CNTNAP5: variants seen among roughly 807,000 people sequenced by gnomAD.
The protein encoded by CNTNAP5 is contactin associated protein family member 5, also known as contactin-associated protein-like 5.
In CNTNAP5, 72 loss-of-function variants were observed where a neutral mutation model predicts 150.2. The observed-to-expected ratio is 0.48, with a 90% CI of 0.40 to 0.58. CNTNAP5 has a LOEUF of 0.58. Ranked by LOEUF, CNTNAP5 falls within the 20% of genes least tolerant of loss-of-function variation. CNTNAP5 has a pLI of 0.00. For missense variants in CNTNAP5, 1,636 were observed against 1,626.2 expected, an observed-to-expected ratio of 1.01 and a Z score of -0.10; for synonymous variants, 672 against 619.8, an observed-to-expected ratio of 1.08 and a Z score of -1.25.
intron 12 of CNTNAP5, among the ~76,000 whole-genome samples, chr2:124,637,280 T>C (rs1677991041): frequency 6.6e-6 from 1 of 152,154 alleles, no homozygotes; most frequent in South Asian, 2.1e-4. Flanking sequence ...TTGCTTTTGT[T>C]GTTGTTGTTG....
intron 6 of CNTNAP5, among the ~76,000 whole-genome samples, chr2:124,467,736 C>T (rs1268912219): frequency 6.6e-6 from 1 of 152,062 alleles, no homozygotes; most frequent in African/African-American, 2.4e-5. Context: ...ACTTCCAATT[C>T]TCAACTACGT....
intron 21 of CNTNAP5, among the ~76,000 whole-genome samples, chr2:124,902,069 A>G (rs1678424712): frequency 6.6e-6 from 1 of 152,174 alleles, no homozygotes; most frequent in Non-Finnish European, 1.5e-5. Flanking sequence ...TTAGGAAAAA[A>G]GATGGCTCAT....
chr2:124,851,516 C>T (rs999021245), intron 19 of CNTNAP5, among the ~76,000 whole-genome samples: 10 of 152,210 alleles, frequency 6.6e-5, no homozygotes, highest in African/African-American at 7.2e-5. Context: ...GGAAAGAATA[C>T]GTTGGCATCA....
At chr2:124,226,130 A>G (rs1686451467) in intron 2 of CNTNAP5, among the ~76,000 whole-genome samples, 1 of 152,044 alleles carries the variant, frequency 6.6e-6, no homozygotes, top group Admixed American at 6.6e-5. Context: ...GATATATACA[A>G]AGTAGTTGTA....
At chr2:124,490,942 A>G (rs1694009889) in intron 7 of CNTNAP5, among the ~76,000 whole-genome samples, 1 of 152,126 alleles carries the variant, frequency 6.6e-6, no homozygotes, top group African/African-American at 2.4e-5. Context: ...TCTATTAGAC[A>G]GCATTGACCT....
At chr2:124,789,850 G>C in intron 17 of CNTNAP5, 52 bp from the exon 18 acceptor site, 3 of 1,566,294 alleles carry the variant, frequency 1.9e-6, no homozygotes, top group South Asian at 2.3e-5. Context: ...AAACCTAAAT[G>C]TATTGAGCCC....
intron 13 of CNTNAP5, among the ~76,000 whole-genome samples, chr2:124,710,608 T>C (rs1019783851): frequency 6.6e-6 from 1 of 152,268 alleles, no homozygotes; most frequent in South Asian, 2.1e-4. Flanking sequence ...GCTGAAGATA[T>C]GGCAATTTGC....
chr2:124,434,605 C>A lies in CNTNAP5; in HGVS notation c.651C>A (p.Val217=). The A allele has an allele frequency of 6.2e-7, 1 of 1,613,920 alleles. No homozygotes were observed. The part of the protein sequence containing the change: ...LKFKSMQGDG[V]LFHGEGQRGD... ...TCAAGAGCATGCAAGGAGATGGGGTCCTGTTCCATGGAGAAGGTCAGCGTG... is the reference window on the plus strand; with the variant it reads ...TCAAGAGCATGCAAGGAGATGGGGTACTGTTCCATGGAGAAGGTCAGCGTG... The change falls in exon 5 of 24, where the codon GTC becomes GTA. Residue 217 remains valine, a synonymous_variant. Coordinates refer to ENST00000682447, the MANE Select transcript of CNTNAP5 (RefSeq NM_001367498.1).
intron 3 of CNTNAP5, among the ~76,000 whole-genome samples, chr2:124,248,081 G>T (rs1265526450): frequency 6.6e-6 from 1 of 152,186 alleles, no homozygotes; most frequent in South Asian, 2.1e-4. Flanking sequence ...GCAAAAGCAA[G>T]TTATTACAAT....
At chr2:124,485,841 A>G (rs1210606853) in intron 7 of CNTNAP5, among the ~76,000 whole-genome samples, 3 of 152,074 alleles carry the variant, frequency 2.0e-5, no homozygotes, top group Non-Finnish European at 2.9e-5. Flanking sequence ...GTCACCCTGC[A>G]GCGGCCCTCT....
chr2:124,512,419 C>T lies in CNTNAP5; in HGVS notation c.1327+7863C>T, dbSNP rs529776995. Among the ~76,000 whole-genome samples the T allele has an allele frequency of 4.5e-4, 68 of 152,162 alleles. No homozygotes were observed. In the Middle Eastern group the frequency reaches 0.014, roughly 30 times the overall value. ...TCCAAACTAAGAGATCTGACCCTGG[C>T]GCTGGCACCACTTGCTCATTATTAG... On this transcript the variant is annotated intron_variant, in intron 8 of 23. Transcript: ENST00000682447.
intron 1 of CNTNAP5, among the ~76,000 whole-genome samples, chr2:124,178,432 T>C (rs1573814298): frequency 6.6e-6 from 1 of 152,226 alleles, no homozygotes; most frequent in African/African-American, 2.4e-5. Context: ...TTTCTAGGAC[T>C]ACAAGCTAGG....
At chr2:124,038,931 C>A (rs544387299) in intron 1 of CNTNAP5, among the ~76,000 whole-genome samples, 1 of 152,208 alleles carries the variant, frequency 6.6e-6, no homozygotes, top group Admixed American at 6.5e-5. Context: ...GTGTGCCCCA[C>A]CTGCCTCTGC....
intron 9 of CNTNAP5, among the ~76,000 whole-genome samples, chr2:124,526,108 C>T (rs1339215379): frequency 6.6e-6 from 1 of 152,172 alleles, no homozygotes; most frequent in African/African-American, 2.4e-5. Flanking sequence ...ATACAATAAG[C>T]ATCCAACATG....
intron 10 of CNTNAP5, among the ~76,000 whole-genome samples, chr2:124,558,036 T>A (rs572596671): frequency 3.3e-5 from 5 of 152,242 alleles, no homozygotes; most frequent in South Asian, 4.1e-4. Flanking sequence ...TTACCCTAGA[T>A]AAAATAGGGA....
chr2:124,037,895 C>T (rs1457612988), intron 1 of CNTNAP5, among the ~76,000 whole-genome samples: 3 of 152,170 alleles, frequency 2.0e-5, no homozygotes, highest in Non-Finnish European at 4.4e-5. Context: ...CAAATACATA[C>T]AATTTATATA....
At chr2:124,706,776 GAA>G (rs1288395357) in intron 13 of CNTNAP5, among the ~76,000 whole-genome samples, 9 of 34,040 alleles carry the variant, frequency 2.6e-4, no homozygotes, top group Admixed American at 1.9e-3. Flanking sequence ...AGAAGAAGAA[GAA>G]GAAGAAGAAG....
At chr2:124,607,240 GC>G (rs1677256729) in intron 11 of CNTNAP5, among the ~76,000 whole-genome samples, 1 of 152,092 alleles carries the variant, frequency 6.6e-6, no homozygotes, top group African/African-American at 2.4e-5. Flanking sequence ...GGTCTCTCAT[GC>G]AGCTGCAAAA....
chr2:124,805,597 G>A (rs1461118409), intron 19 of CNTNAP5, among the ~76,000 whole-genome samples: 3 of 152,262 alleles, frequency 2.0e-5, no homozygotes, highest in African/African-American at 7.2e-5. Flanking sequence ...TGGAAATAAA[G>A]CCAACAAATA....
Sources: allele counts gnomAD v4.1 joint callset (sites outside exome capture counted in the v4.1 genomes callset), GRCh38; gene constraint gnomAD v4.1.1; transcripts MANE v1.5; gene names NCBI Gene and HGNC (gene_info 2026-07-23, HGNC 2026-07-21).